BAIAP2L1: variants seen among roughly 807,000 people sequenced by gnomAD.
BAIAP2L1 encodes BAR/IMD domain-containing adapter protein 2-like 1.
In BAIAP2L1, 35 loss-of-function variants were observed where a neutral mutation model predicts 66.3. The observed-to-expected ratio is 0.53, with a 90% CI of 0.40 to 0.70. The LOEUF (loss-of-function observed/expected upper bound fraction) is 0.70. Among genes scored for constraint, BAIAP2L1 ranks in the 30% least tolerant of loss-of-function variants. The pLI is 0.00. For synonymous variants in BAIAP2L1, 269 were observed against 248.7 expected (o/e 1.08, Z -0.77); for missense variants, 622 against 656.9 (o/e 0.95, Z 0.58).
intron 3 of BAIAP2L1, among the ~76,000 whole-genome samples, chr7:98,349,533 C>T (rs955067490): frequency 6.6e-6 from 1 of 152,116 alleles, no homozygotes; most frequent in Non-Finnish European, 1.5e-5. Flanking sequence ...ATGACACCTG[C>T]CAGCCATTCA....
rs199994244 is a variant in BAIAP2L1 at position 98,377,639 on chromosome 7, T to C, written c.52-15207A>G. Among the ~76,000 whole-genome samples, 7 of 141,474 alleles carry C rather than the reference T, an allele frequency of 4.9e-5. No homozygotes were observed. In the East Asian group the frequency reaches 1.1e-3, roughly 22 times the overall value. 92.8% of individuals were successfully genotyped at this position (141,474 alleles called of 152,430 possible). On this transcript the variant is annotated intron_variant, in intron 1 of 13. Coordinates refer to ENST00000005260, the MANE Select transcript of BAIAP2L1 (RefSeq NM_018842.5). ...TTCGAGATCAGCCTGGCTAACATGGTGAAACCCCATTTCTATTAAATATAC... is the reference window on the plus strand; with the variant it reads ...TTCGAGATCAGCCTGGCTAACATGGCGAAACCCCATTTCTATTAAATATAC...
chr7:98,375,526 G>A (rs1448158935), intron 1 of BAIAP2L1, among the ~76,000 whole-genome samples: 1 of 151,878 alleles, frequency 6.6e-6, no homozygotes, highest in Non-Finnish European at 1.5e-5. Context: ...GAGGCTGGCA[G>A]ATCACCTGAG....
At chr7:98,388,477 G>A (rs1375016824) in intron 1 of BAIAP2L1, among the ~76,000 whole-genome samples, 2 of 148,422 alleles carry the variant, frequency 1.3e-5, no homozygotes, top group South Asian at 4.3e-4. Context: ...TGAGTGACAG[G>A]GCGAGACTCC....
rs563254612 is a variant in BAIAP2L1, at chr7:98,398,969, C to T, written c.51+1833G>A. Among the ~76,000 whole-genome samples the T allele has an allele frequency of 4.6e-5, 7 of 152,254 alleles. No individual in the cohort carries two copies. In the South Asian group the frequency reaches 1.5e-3, roughly 32 times the overall value. On this transcript the variant is annotated intron_variant, in intron 1 of 13. Transcript: ENST00000005260. ...CTGCCTCAAATTTGCAATGGCCTGC[C>T]TTCCTCAATTACACAGTTTTTCCTT...
chr7:98,361,011 T>G (rs935226449), intron 2 of BAIAP2L1, among the ~76,000 whole-genome samples: 6 of 151,796 alleles, frequency 4.0e-5, no homozygotes, highest in African/African-American at 1.5e-4. Flanking sequence ...TGAGCGAGAG[T>G]GAGGCCACAG....
At chr7:98,321,064 G>A (rs1801229640) in intron 3 of BAIAP2L1, among the ~76,000 whole-genome samples, 1 of 151,870 alleles carries the variant, frequency 6.6e-6, no homozygotes, top group African/African-American at 2.4e-5. Flanking sequence ...TCACCATGTT[G>A]CCCAGGTTGG....
chr7:98,376,880 A>C (rs2115786637), intron 1 of BAIAP2L1, among the ~76,000 whole-genome samples: 1 of 152,152 alleles, frequency 6.6e-6, no homozygotes, highest in Middle Eastern at 3.4e-3. Flanking sequence ...TTGTCTAAAC[A>C]CAGCGTTGCT....
chr7:98,355,246 G>T, intron 2 of BAIAP2L1, 118 bp from the exon 3 acceptor site: 1 of 727,940 alleles, frequency 1.4e-6, no homozygotes, highest in Non-Finnish European at 2.4e-6. Flanking sequence ...TTGGGCTGTG[G>T]CAGGTGTGGC....
Position 98,292,167 on chromosome 7 carries a change from C to G in BAIAP2L1, c.*1354G>C, listed in dbSNP as rs900180595. 3 of 157,172 alleles carry G rather than the reference C, an allele frequency of 1.9e-5. No homozygotes were observed. The highest frequency in any genetic ancestry group is 7.2e-5 in the African/African-American group (3 of 41,546). 9.7% of individuals were successfully genotyped at this position (157,172 alleles called of 1,614,324 possible). On this transcript the variant is annotated 3_prime_UTR_variant, in exon 14 of 14. Coordinates refer to ENST00000005260, the MANE Select transcript of BAIAP2L1 (RefSeq NM_018842.5). ...ACTGGCTTACCTGCATGTAACCTTT[C>G]CCAATCTCAGCCTCATAGGATACTA...
In BAIAP2L1 at chr7:98,292,879, G is replaced by T. The variant is rs1329331944; in HGVS notation, c.*642C>A. 2.1e-6 allele frequency: 3 copies of T among 1,440,684 alleles called. No individual in the cohort carries two copies. Among genetic ancestry groups the T allele is most frequent in the Non-Finnish European group, 1.8e-6 (2 of 1,098,874 alleles). The allele number at this position is 1,440,684 out of a possible 1,614,324, so 89.2% of individuals were successfully genotyped here. A position where few individuals can be genotyped will look rare whatever the true frequency, so the allele number is the denominator to read the frequency against. ...ACCAAGAAAAGGAGCTCTCGGAGGA[G>T]ATTTCGTCGAGTGCTACGTGTGGCT... On this transcript the variant is annotated 3_prime_UTR_variant, in exon 14 of 14. Coordinates refer to ENST00000005260, the MANE Select transcript of BAIAP2L1 (RefSeq NM_018842.5).
At chr7:98,380,787 TACCACCACC>T (rs1425805484) in intron 1 of BAIAP2L1, among the ~76,000 whole-genome samples, 1 of 138,868 alleles carries the variant, frequency 7.2e-6, no homozygotes. Flanking sequence ...CCACCGCCAC[TACCACCACC>T]ACCATCGCCA....
chr7:98,307,894 T>G lies in BAIAP2L1; in HGVS notation c.958A>C (p.Thr320Pro). The change falls in exon 10 of 14, where the codon ACT becomes CCT. Residue 320 changes from threonine (T) to proline (P), a missense_variant and splice_region_variant. Thr to Pro is a conservative substitution (Grantham distance 38). Coordinates refer to ENST00000005260, the MANE Select transcript of BAIAP2L1 (RefSeq NM_018842.5). ...NSQRVNNSTG[T>P]SEDPSLQRSV... ...CGCTGTAAACTGGGATCTTCGGAAG[T>G]ACCTGTTGGAGGGAGTGTAGCAGTA... 6.2e-7 allele frequency: 1 copy of G among 1,614,200 alleles called. No individual in the cohort carries two copies. Among genetic ancestry groups the G allele is most frequent in the African/African-American group, 1.3e-5 (1 of 75,070 alleles).
At chr7:98,293,691 G>T (rs1209847538) in intron 13 of BAIAP2L1, 95 bp from the exon 14 acceptor site, 2 of 1,273,512 alleles carry the variant, frequency 1.6e-6, no homozygotes, top group Non-Finnish European at 2.3e-6. Flanking sequence ...CTGTGAGACT[G>T]GGCGGCTGAC....
At chr7:98,346,946 G>A (rs1801883940) in intron 3 of BAIAP2L1, among the ~76,000 whole-genome samples, 1 of 152,158 alleles carries the variant, frequency 6.6e-6, no homozygotes, top group South Asian at 2.1e-4. Context: ...TGAGCCAAGT[G>A]GCTGTGATGA....
At chr7:98,386,237 G>A (rs1802887964) in intron 1 of BAIAP2L1, 5 of 1,568,440 alleles carry the variant, frequency 3.2e-6, no homozygotes, top group Non-Finnish European at 4.4e-6. Flanking sequence ...ATCATTGTCT[G>A]CCATTTTTTG....
chr7:98,317,312 C>G lies in BAIAP2L1; in HGVS notation c.393G>C (p.Glu131Asp). Reference protein sequence around the residue: ...RYQTEHKNKLESLEKSQAELK... With the variant: ...RYQTEHKNKLDSLEKSQAELK... Reference sequence around the variant, plus strand: ...ACTCAGCTTGGGATTTCTCCAAAGACTCTAATTTATTCTTGTGTTCTGTTT... The same window carrying G: ...ACTCAGCTTGGGATTTCTCCAAAGAGTCTAATTTATTCTTGTGTTCTGTTT... Residue 131 changes from glutamate to aspartate, a missense_variant, in exon 6 of 14, where the codon GAG (glutamate) becomes GAC (aspartate). By Grantham distance (45) the Glu-to-Asp change is conservative. Transcript: ENST00000005260. 2 of 1,614,222 alleles carry G rather than the reference C, an allele frequency of 1.2e-6. No individual in the cohort carries two copies. Among genetic ancestry groups the G allele is most frequent in the Non-Finnish European group, 1.7e-6 (2 of 1,180,034 alleles).
At chr7:98,372,393 G>A (rs879775673) in intron 1 of BAIAP2L1, among the ~76,000 whole-genome samples, 6 of 151,948 alleles carry the variant, frequency 3.9e-5, no homozygotes, top group Non-Finnish European at 7.4e-5. Flanking sequence ...GTGACAGAAC[G>A]AAACTCAGTC....
chr7:98,320,147 T>C lies in BAIAP2L1; in HGVS notation c.277-18A>G, dbSNP rs529825269. On this transcript the variant is annotated intron_variant, in intron 4 of 13. Coordinates refer to ENST00000005260, the MANE Select transcript of BAIAP2L1 (RefSeq NM_018842.5). ...TTTTTAAACTGTTAACAAAAGGAAA[T>C]AAATTCATACCAGGTTTGAGATTTT... The C allele has an allele frequency of 4.9e-5, 79 of 1,603,484 alleles. No individual in the cohort carries two copies. The South Asian group carries it at 8.4e-4, about 17-fold the overall frequency.
chr7:98,328,143 A>C (rs1801413491), intron 3 of BAIAP2L1, among the ~76,000 whole-genome samples: 1 of 152,180 alleles, frequency 6.6e-6, no homozygotes, highest in Admixed American at 6.5e-5. Context: ...GTCAGAAGCG[A>C]CTGCTGACCT....
Sources: allele counts gnomAD v4.1 joint callset (sites outside exome capture counted in the v4.1 genomes callset), GRCh38; gene constraint gnomAD v4.1.1; transcripts MANE v1.5; gene names NCBI Gene and HGNC (gene_info 2026-07-23, HGNC 2026-07-21).